Variants in MGA observed in about 807,000 individuals in gnomAD.
MGA encodes MAX gene-associated protein.
Under a neutral mutation model 261.1 loss-of-function variants are expected in MGA, and 40 were observed. That is an observed-to-expected ratio of 0.15 (90% CI 0.12 to 0.20). The LOEUF is 0.20. MGA is among the 10% of genes least tolerant of loss of function. MGA has a pLI of 1.00. For missense variants in MGA, 3,397 were observed against 3,630.5 expected (o/e 0.94, Z 1.65); for synonymous variants, 1,302 against 1,290.6 (o/e 1.01, Z -0.19).
intron 2 of MGA, among the ~76,000 whole-genome samples, chr15:41,674,665 G>A (rs936975127): frequency 1.3e-5 from 2 of 151,968 alleles, no homozygotes; most frequent in Non-Finnish European, 2.9e-5. Context: ...GACTATAGAC[G>A]CATGCCACCA....
At chr15:41,665,713 A>G (rs1455839261) in intron 1 of MGA, among the ~76,000 whole-genome samples, 2 of 152,110 alleles carry the variant, frequency 1.3e-5, no homozygotes, top group Non-Finnish European at 2.9e-5. Context: ...TTCACATAAC[A>G]TATAATTCAT....
At chr15:41,671,253 A>C (rs2058042794) in intron 2 of MGA, among the ~76,000 whole-genome samples, 1 of 152,214 alleles carries the variant, frequency 6.6e-6, no homozygotes, top group African/African-American at 2.4e-5. Flanking sequence ...CAAAGTTCCA[A>C]AAAGCAAAAC....
chr15:41,699,184 T>A (rs773406692), intron 5 of MGA, 25 bp downstream of exon 5: 82 of 1,423,410 alleles, frequency 5.8e-5, no homozygotes, highest in Admixed American at 1.6e-4. Flanking sequence ...ACTTCTTTTT[T>A]TTTGTTTTCT....
At chr15:41,681,124 A>G (rs1416957097) in intron 2 of MGA, among the ~76,000 whole-genome samples, 2 of 152,190 alleles carry the variant, frequency 1.3e-5, no homozygotes, top group African/African-American at 4.8e-5. Flanking sequence ...TTATACAGCA[A>G]ATACATAATA....
intron 1 of MGA, among the ~76,000 whole-genome samples, chr15:41,645,413 C>A (rs1217923514): frequency 1.3e-5 from 2 of 152,198 alleles, no homozygotes; most frequent in Non-Finnish European, 2.9e-5. Context: ...GTGGTGAAAC[C>A]CTGTCTCTAC....
chr15:41,661,827 C>T (rs2057421447), intron 1 of MGA, among the ~76,000 whole-genome samples: 1 of 151,996 alleles, frequency 6.6e-6, no homozygotes, highest in African/African-American at 2.4e-5. Flanking sequence ...AGGGGGTTGG[C>T]AGGGGAGGGT....
At chr15:41,706,682 G>A (rs541154840) in intron 5 of MGA, among the ~76,000 whole-genome samples, 1 of 148,768 alleles carries the variant, frequency 6.7e-6, no homozygotes, top group African/African-American at 2.5e-5. Flanking sequence ...CCAGGTTCAA[G>A]TGATTCTCCT....
At chr15:41,654,113 T>C (rs552383896) in intron 1 of MGA, among the ~76,000 whole-genome samples, 1 of 152,286 alleles carries the variant, frequency 6.6e-6, no homozygotes, top group Non-Finnish European at 1.5e-5. Flanking sequence ...AGAAGCTGAC[T>C]CTTGACTTCT....
At chr15:41,740,342 CT>C (rs1567060906) in intron 14 of MGA, 139 bp downstream of exon 14, 2 of 955,526 alleles carry the variant, frequency 2.1e-6, no homozygotes, top group Non-Finnish European at 3.0e-6. Flanking sequence ...CTTGCCTGGA[CT>C]TTTTTGATTG....
At chr15:41,638,692 T>TC (rs911991181) in intron 1 of MGA, among the ~76,000 whole-genome samples, 7 of 146,318 alleles carry the variant, frequency 4.8e-5, no homozygotes, top group African/African-American at 1.8e-4. Flanking sequence ...CTTTTTCTTT[T>TC]TTTTTTTTTT....
intron 9 of MGA, among the ~76,000 whole-genome samples, chr15:41,720,970 A>G (rs916429310): frequency 6.6e-6 from 1 of 152,252 alleles, no homozygotes; most frequent in Non-Finnish European, 1.5e-5. Flanking sequence ...TGGGAAAAAT[A>G]GAAACTTTAT....
At chr15:41,720,508 C>T (rs1251638675) in intron 9 of MGA, among the ~76,000 whole-genome samples, 1 of 152,072 alleles carries the variant, frequency 6.6e-6, no homozygotes, top group Non-Finnish European at 1.5e-5. Flanking sequence ...GCACTCCAGC[C>T]TGGGTGACAG....
chr15:41,686,841 A>T (rs1007447339), intron 2 of MGA, among the ~76,000 whole-genome samples: 4 of 151,886 alleles, frequency 2.6e-5, no homozygotes, highest in Non-Finnish European at 4.4e-5. Context: ...GGCCATGATG[A>T]TATCATCCTT....
In MGA at chr15:41,710,719, T is replaced by C. The variant is rs748725772; in HGVS notation, c.2454T>C (p.Asn818=). Residue 818 remains asparagine, a synonymous_variant, in exon 8 of 24, where the codon AAT becomes AAC. Coordinates refer to ENST00000219905, the MANE Select transcript of MGA (RefSeq NM_001164273.2). ...GAAATTCAGAAAGTTCACTGAAAAA[T>C]CGTTCTGCTTTCTGTAGTGATAAGC... 2 of 1,602,422 alleles carry C rather than the reference T, an allele frequency of 1.2e-6. No homozygotes were observed. The highest frequency in any genetic ancestry group is 1.7e-6 in the Non-Finnish European group (2 of 1,175,884).
At chr15:41,640,195 G>A (rs1199176601) in intron 1 of MGA, among the ~76,000 whole-genome samples, 6 of 152,134 alleles carry the variant, frequency 3.9e-5, no homozygotes, top group Admixed American at 6.5e-5. Flanking sequence ...CTAAAGCAGC[G>A]TAATTATAAA....
chr15:41,626,475 T>G (rs1006044350), intron 1 of MGA, among the ~76,000 whole-genome samples: 2 of 152,068 alleles, frequency 1.3e-5, no homozygotes, highest in African/African-American at 4.8e-5. Context: ...CAGGCTAGAG[T>G]GCAATGGTGC....
chr15:41,750,695 C>T (rs1313947117), intron 17 of MGA, 80 bp downstream of exon 17: 68 of 1,310,224 alleles, frequency 5.2e-5, no homozygotes, highest in Non-Finnish European at 6.7e-5. Context: ...TTCAGAAGAG[C>T]ACTAAGGCAT....
intron 2 of MGA, among the ~76,000 whole-genome samples, chr15:41,682,400 A>G (rs1490170341): frequency 1.3e-5 from 2 of 152,096 alleles, no homozygotes; most frequent in African/African-American, 2.4e-5. Flanking sequence ...CTAGGCCCCT[A>G]CCAAGCTGCC....
intron 2 of MGA, among the ~76,000 whole-genome samples, chr15:41,680,022 G>A (rs1451639294): frequency 2.0e-5 from 3 of 152,066 alleles, no homozygotes; most frequent in Non-Finnish European, 4.4e-5. Context: ...GATTGTGTAC[G>A]TGTGTGTATA....
Sources: gnomAD v4.1 joint callset for allele counts (sites outside exome capture counted in the v4.1 genomes callset) on GRCh38, gnomAD v4.1.1 for gene constraint, MANE v1.5 for transcripts, NCBI Gene and HGNC (gene_info 2026-07-23, HGNC 2026-07-21) for gene names.